The following TSPOAP1 variants were observed in gnomAD, a reference collection of about 807,000 sequenced individuals.
TSPOAP1 encodes the protein TSPO associated protein 1.
TSPOAP1 carries 87 observed loss-of-function variants against 197.0 expected under a neutral mutation model. The observed-to-expected ratio is 0.44, with a 90% CI of 0.37 to 0.53. The LOEUF (loss-of-function observed/expected upper bound fraction) is 0.53. Ranked by LOEUF, TSPOAP1 falls within the 20% of genes least tolerant of loss-of-function variation. The pLI, the probability that TSPOAP1 is intolerant of heterozygous loss-of-function variation, is 0.00. For missense variants in TSPOAP1, 2,174 were observed against 2,411.3 expected, an observed-to-expected ratio of 0.90 and a Z score of 2.06; for synonymous variants, 913 against 998.9, an observed-to-expected ratio of 0.91 and a Z score of 1.62.
chr17:58,327,298 G>A (rs1971660948), intron 1 of TSPOAP1, among the ~76,000 whole-genome samples: 1 of 152,178 alleles, frequency 6.6e-6, no homozygotes, highest in Non-Finnish European at 1.5e-5. Flanking sequence ...GACACAGACA[G>A]ACACACTGTC....
intron 12 of TSPOAP1, among the ~76,000 whole-genome samples, 163 bp downstream of exon 12, chr17:58,319,946 C>A (rs530154989): frequency 6.6e-6 from 1 of 152,194 alleles, no homozygotes; most frequent in African/African-American, 2.4e-5. Flanking sequence ...AAGGGGACAG[C>A]CGCACGTGTC....
In TSPOAP1 at chr17:58,304,775, C is replaced by G; in HGVS notation, c.5544+286G>C. Reference sequence around the variant, plus strand: ...AGGTGTGAGGCAGAGGGGTCCTTTTCCACAGGGCCCCCTCACCTGCGTCAG... The same window carrying G: ...AGGTGTGAGGCAGAGGGGTCCTTTTGCACAGGGCCCCCTCACCTGCGTCAG... On this transcript the variant is annotated intron_variant, in intron 30 of 31. Transcript: ENST00000343736. This position sits in a 1 kb window ranked among gnomAD's most constrained non-coding sequence, Gnocchi z 4.2. 1.7e-6 allele frequency: 1 copy of G among 590,898 alleles called. No individual in the cohort carries two copies. The highest frequency in any genetic ancestry group is 1.9e-5 in the South Asian group (1 of 53,306). 36.6% of individuals were successfully genotyped at this position (590,898 alleles called of 1,614,324 possible).
Position 58,327,587 on chromosome 17 carries a change from C to T in TSPOAP1, c.333+1G>A. On this transcript the variant is annotated splice_donor_variant, in intron 1 of 31. Transcript: ENST00000343736. LOFTEE classifies it high-confidence loss of function. ...ACCCCAGCCCTCCACAGATCCCTTA[C>T]CTTCAGGAAAGCCTCCACTTCCTCA... The T allele has an allele frequency of 6.2e-7, 1 of 1,610,610 alleles. No individual in the cohort carries two copies. The highest frequency in any genetic ancestry group is 8.5e-7 in the Non-Finnish European group (1 of 1,178,018).
At position 58,325,624 on chromosome 17, in the gene TSPOAP1, T is replaced by G; in HGVS notation, c.660A>C (p.Thr220=). ...TGTCCTTGGCCAGCAGTGCACTGGCTGTCTCACTGAGGTCCCGGGCTCGCT... is the reference window on the plus strand; with the variant it reads ...TGTCCTTGGCCAGCAGTGCACTGGCGGTCTCACTGAGGTCCCGGGCTCGCT... ...ARQRARDLSE[T]ASALLAKDKQ... Residue 220 remains threonine (T), a synonymous_variant, in exon 4 of 32, where the codon ACA becomes ACC. Transcript: ENST00000343736. 1 of 1,613,682 alleles carries G rather than the reference T, an allele frequency of 6.2e-7. No individual in the cohort carries two copies. The highest frequency in any genetic ancestry group is 8.5e-7 in the Non-Finnish European group (1 of 1,180,006).
Position 58,324,518 on chromosome 17 carries a change from C to T in TSPOAP1, c.942+293G>A, listed in dbSNP as rs940047153. On this transcript the variant is annotated intron_variant, in intron 5 of 31. Transcript: ENST00000343736. The surrounding 1 kb of genome is among the most constrained non-coding windows in gnomAD (Gnocchi z 5.8). ...GGCTGCCAGGACAACCAGGGATTTG[C>T]GGCCGGGCCGTACCACTGGCAGCGC... Among the ~76,000 whole-genome samples, 2 of 151,854 alleles carry T rather than the reference C, an allele frequency of 1.3e-5. No individual in the cohort carries two copies. The highest frequency in any genetic ancestry group is 1.3e-4 in the Admixed American group (2 of 15,260).
chr17:58,309,597 G>C lies in TSPOAP1; in HGVS notation c.3892-217C>G, dbSNP rs1971018750. Among the ~76,000 whole-genome samples the C allele has an allele frequency of 6.6e-6, 1 of 152,056 alleles. No individual in the cohort carries two copies. The highest frequency in any genetic ancestry group is 2.4e-5 in the African/African-American group (1 of 41,388). On this transcript the variant is annotated intron_variant, in intron 21 of 31. Transcript: ENST00000343736. The surrounding 1 kb of genome is among the most constrained non-coding windows in gnomAD (Gnocchi z 5.0). ...AGTGAGAGCCAAAGGAAGAATTAGGGAACACACTCTAGGAACCATCACCAG... is the reference window on the plus strand; with the variant it reads ...AGTGAGAGCCAAAGGAAGAATTAGGCAACACACTCTAGGAACCATCACCAG...
At chr17:58,307,475 G>A in intron 24 of TSPOAP1, 136 bp downstream of exon 24, 2 of 1,216,818 alleles carry the variant, frequency 1.6e-6, no homozygotes, top group South Asian at 1.5e-5. Flanking sequence ...GCAGAGTCAG[G>A]TCCAAACCCA....
rs972674993 is a variant in TSPOAP1 at position 58,305,567 on chromosome 17, C to G, written c.5334G>C (p.Gln1778His). 1.3e-5 allele frequency: 21 copies of G among 1,592,040 alleles called. No homozygotes were observed. Among genetic ancestry groups the G allele is most frequent in the Non-Finnish European group, 1.7e-5 (20 of 1,169,142 alleles). Reference protein sequence around the residue: ...SMVAAFDYNPQESSPNMDVEA... With the variant: ...SMVAAFDYNPHESSPNMDVEA... Reference sequence around the variant, plus strand: ...CCACGTCCATATTGGGGGAACTCTCCTGGGGGTTGTAGTCAAATGCAGCCA... The same window carrying G: ...CCACGTCCATATTGGGGGAACTCTCGTGGGGGTTGTAGTCAAATGCAGCCA... Residue 1778 changes from glutamine (Q) to histidine (H), a missense_variant, in exon 28 of 32, where the codon CAG (glutamine) becomes CAC (histidine). Physicochemically the swap from Gln to His is conservative, Grantham distance 24 (BLOSUM62 0). This residue lies in a region of TSPOAP1 where 161 missense variants were observed against 159.1 expected (regional missense o/e 1.01). Transcript: ENST00000343736.
At position 58,307,909 on chromosome 17, in the gene TSPOAP1, G is replaced by A. The variant is rs769090851; in HGVS notation, c.4764C>T (p.Asp1588=). The A allele has an allele frequency of 1.4e-5, 22 of 1,613,020 alleles. 1 individual carries two copies. The highest frequency in any genetic ancestry group is 1.1e-4 in the East Asian group (5 of 44,896). ...ATETGEARGQ[D]GSGRRGPQKR... ...TCTGGGGGCCCCTCCGCCCAGAGCC[G>A]TCCTGCCCTCTGGCCTCTCCGGTCT... The change falls in exon 23 of 32, where the codon GAC becomes GAT. Residue 1588 remains aspartate, a synonymous_variant. Coordinates refer to ENST00000343736, the MANE Select transcript of TSPOAP1 (RefSeq NM_004758.4).
At chr17:58,313,491 G>A (rs1250982028) in intron 16 of TSPOAP1, among the ~76,000 whole-genome samples, 2 of 151,916 alleles carry the variant, frequency 1.3e-5, no homozygotes, top group Non-Finnish European at 2.9e-5. Context: ...CACGCCTGCA[G>A]TTGCAGCTAC....
At position 58,304,445 on chromosome 17, in the gene TSPOAP1, G is replaced by A. The variant is rs1334517509; in HGVS notation, c.5545-46C>T. 5.8e-6 allele frequency: 9 copies of A among 1,543,184 alleles called. No individual in the cohort carries two copies. The highest frequency in any genetic ancestry group is 2.2e-5 in the East Asian group (1 of 44,498). On this transcript the variant is annotated intron_variant, in intron 30 of 31. Transcript: ENST00000343736. The surrounding 1 kb of genome is among the most constrained non-coding windows in gnomAD (Gnocchi z 4.2). ...GAGGAGATGGGTTACCGACAGACCC[G>A]CACCTTCTCCGCCCGGCCACCAGGT...
intron 14 of TSPOAP1, among the ~76,000 whole-genome samples, chr17:58,317,518 A>G (rs1286791334): frequency 6.6e-6 from 1 of 152,220 alleles, no homozygotes. Flanking sequence ...CCAAGTGGGC[A>G]ACCTCTCCAC....
intron 22 of TSPOAP1, 140 bp from the exon 23 acceptor site, chr17:58,308,081 C>G (rs914231723): frequency 2.6e-5 from 24 of 915,942 alleles, no homozygotes; most frequent in Non-Finnish European, 3.4e-5. Flanking sequence ...CTCGGCCCAG[C>G]CTGCTGGAGA....
At position 58,326,349 on chromosome 17, in the gene TSPOAP1, T is replaced by C. The variant is rs1971606343; in HGVS notation, c.514A>G (p.Ile172Val). ...GCCCTCTCCTCCAGGCGCTTGGCAATGACCGCCAGCTCGGCGTTCTTCCTC... is the reference window on the plus strand; with the variant it reads ...GCCCTCTCCTCCAGGCGCTTGGCAACGACCGCCAGCTCGGCGTTCTTCCTC... ...LKRKNAELAVIAKRLEERARK... is the reference protein window; with the variant it reads ...LKRKNAELAVVAKRLEERARK... The change falls in exon 3 of 32, where the codon ATT (isoleucine) becomes GTT (valine). Residue 172 changes from isoleucine to valine, a missense_variant. This residue lies in a region of TSPOAP1 where 1,933 missense variants were observed against 2,139.0 expected (regional missense o/e 0.90). Transcript: ENST00000343736. The surrounding 1 kb of genome is among the most constrained non-coding windows in gnomAD (Gnocchi z 4.7). 13 of 1,614,020 alleles carry C rather than the reference T, an allele frequency of 8.1e-6. No homozygotes were observed. The highest frequency in any genetic ancestry group is 1.0e-5 in the Non-Finnish European group (12 of 1,180,038).
intron 4 of TSPOAP1, among the ~76,000 whole-genome samples, 157 bp from the exon 5 acceptor site, chr17:58,325,159 G>A (rs1408161266): frequency 6.6e-6 from 1 of 152,174 alleles, no homozygotes; most frequent in African/African-American, 2.4e-5. Flanking sequence ...ATGTGCATGC[G>A]TATGTGGCCA....
intron 24 of TSPOAP1, among the ~76,000 whole-genome samples, chr17:58,307,199 C>CCAGAATGGATCTCCTTAGTCTCAG (rs1970926627): frequency 6.6e-6 from 1 of 152,226 alleles, no homozygotes; most frequent in Admixed American, 6.5e-5. Context: ...TTTGCCCACC[C>CCAGAATGGATCTCCTTAGTCTCAG]CAGAATGGAT....
chr17:58,320,685 G>T, intron 10 of TSPOAP1, 104 bp from the exon 11 acceptor site: 1 of 889,238 alleles, frequency 1.1e-6, no homozygotes, highest in Non-Finnish European at 1.6e-6. Flanking sequence ...GGCAGGGGAG[G>T]AAGAAGCCGG....
rs1225697967 is a variant in TSPOAP1 at position 58,308,685 on chromosome 17, G to T, written c.4587C>A (p.Gly1529=). 2 of 1,612,740 alleles carry T rather than the reference G, an allele frequency of 1.2e-6. No homozygotes were observed. The highest frequency in any genetic ancestry group is 1.7e-6 in the Non-Finnish European group (2 of 1,179,852). ...SCYPGDGEAW[G]TATVGRPRGP... ...CCCTGGGCCTTCCTACAGTTGCTGT[G>T]CCCCAGGCCTCCCCATCTCCAGGGT... Residue 1529 remains glycine, a synonymous_variant, in exon 22 of 32, where the codon GGC becomes GGA. Transcript: ENST00000343736.
At position 58,309,444 on chromosome 17, in the gene TSPOAP1, G is replaced by A. The variant is rs1044679227; in HGVS notation, c.3892-64C>T. The A allele has an allele frequency of 2.6e-6, 4 of 1,531,566 alleles. No homozygotes were observed. The African/African-American group carries it at 5.5e-5, about 21-fold the overall frequency. The allele number at this position is 1,531,566 out of a possible 1,614,324, so 94.9% of individuals were successfully genotyped here. A position where few individuals can be genotyped will look rare whatever the true frequency, so the allele number is the denominator to read the frequency against. ...GAAGAGAGATGCGTGGGGAAGAGGA[G>A]AGCGAGCTGCGATCTTTGCCCTCAA... On this transcript the variant is annotated intron_variant, in intron 21 of 31. Coordinates refer to ENST00000343736, the MANE Select transcript of TSPOAP1 (RefSeq NM_004758.4). This position sits in a 1 kb window ranked among gnomAD's most constrained non-coding sequence, Gnocchi z 5.0.
Sources: allele counts gnomAD v4.1 joint callset (sites outside exome capture counted in the v4.1 genomes callset), GRCh38; gene constraint gnomAD v4.1.1; regional missense constraint gnomAD v4.1.1; non-coding constraint Gnocchi (gnomAD v3.1); transcripts MANE v1.5; gene names NCBI Gene and HGNC (gene_info 2026-07-23, HGNC 2026-07-21).